SLC28A3: variants seen among roughly 807,000 people sequenced by gnomAD.
SLC28A3 encodes the protein solute carrier family 28 member 3.
Under a neutral mutation model 84.2 loss-of-function variants are expected in SLC28A3, and 68 were observed. The ratio of observed to expected loss-of-function variants is 0.81; its 90% CI spans 0.66 to 0.99. The LOEUF is 0.99. Ranked by LOEUF, SLC28A3 falls within the 50% of genes least tolerant of loss-of-function variation. The pLI is 0.00. For missense variants in SLC28A3, 712 were observed against 841.5 expected, an observed-to-expected ratio of 0.85 and a Z score of 1.90; for synonymous variants, 267 against 303.6, an observed-to-expected ratio of 0.88 and a Z score of 1.25.
the SLC28A3 span, among the ~76,000 whole-genome samples, chr9:84,357,955 A>G: frequency 6.6e-6 from 1 of 152,226 alleles, no homozygotes; most frequent in African/African-American, 2.4e-5. Context: ...GGAATGAGGC[A>G]GATGTACAGA....
At chr9:84,353,165 G>A in the SLC28A3 span, among the ~76,000 whole-genome samples, 2 of 152,122 alleles carry the variant, frequency 1.3e-5, no homozygotes, top group African/African-American at 4.8e-5. Context: ...ATTTAGGTAT[G>A]TACCCCAAAT....
At chr9:84,351,707 A>G in the SLC28A3 span, among the ~76,000 whole-genome samples, 2 of 151,618 alleles carry the variant, frequency 1.3e-5, no homozygotes, top group African/African-American at 4.8e-5. Context: ...AAAAAAGACA[A>G]CGTAGGGACA....
chr9:84,302,065 A>G (rs1439930610), intron 5 of SLC28A3, 135 bp downstream of exon 5: 29 of 755,004 alleles, frequency 3.8e-5, no homozygotes, highest in Non-Finnish European at 2.5e-5. Context: ...AGACATTGTA[A>G]CAGATTACTT....
chr9:84,290,482 G>A (rs941749438), intron 10 of SLC28A3, among the ~76,000 whole-genome samples: 4 of 152,106 alleles, frequency 2.6e-5, no homozygotes, highest in Non-Finnish European at 4.4e-5. Context: ...CAAGGGTGGG[G>A]GCTACCAATC....
chr9:84,286,634 A>T (rs1314424140), intron 12 of SLC28A3, among the ~76,000 whole-genome samples: 1 of 152,000 alleles, frequency 6.6e-6, no homozygotes, highest in East Asian at 1.9e-4. Flanking sequence ...CAAGTTTAAA[A>T]ATTATTTTTA....
chr9:84,354,538 A>G, the SLC28A3 span, among the ~76,000 whole-genome samples: 1 of 152,256 alleles, frequency 6.6e-6, no homozygotes, highest in African/African-American at 2.4e-5. Context: ...TCATGAGTCT[A>G]TAATGATACT....
chr9:84,364,120 C>CTTTTTT, the SLC28A3 span, among the ~76,000 whole-genome samples: 5 of 85,290 alleles, frequency 5.9e-5, no homozygotes, highest in Admixed American at 1.4e-4. Context: ...CAGTTACACT[C>CTTTTTT]TTTTTTTTTT....
At chr9:84,355,329 C>A in the SLC28A3 span, among the ~76,000 whole-genome samples, 1 of 151,738 alleles carries the variant, frequency 6.6e-6, no homozygotes, top group African/African-American at 2.4e-5. Flanking sequence ...TCCCAGCTAA[C>A]TGGGAGGCTG....
the SLC28A3 span, among the ~76,000 whole-genome samples, chr9:84,367,668 A>T: frequency 6.6e-6 from 1 of 152,316 alleles, no homozygotes; most frequent in South Asian, 2.1e-4. Context: ...GTGTGGCAGG[A>T]GAACAGAGTG....
chr9:84,318,937 A>G (rs536910024), intron 1 of SLC28A3, among the ~76,000 whole-genome samples: 1 of 152,202 alleles, frequency 6.6e-6, no homozygotes, highest in African/African-American at 2.4e-5. Context: ...TAGAGGAAGA[A>G]GCCATACAAA....
intron 1 of SLC28A3, among the ~76,000 whole-genome samples, chr9:84,314,239 A>C (rs1276589395): frequency 5.3e-5 from 8 of 152,000 alleles, no homozygotes; most frequent in Non-Finnish European, 1.5e-5. Flanking sequence ...GGCTGTCTTG[A>C]TTTTACTTTA....
chr9:84,288,864 A>G (rs1016316455), intron 11 of SLC28A3, among the ~76,000 whole-genome samples: 1 of 152,024 alleles, frequency 6.6e-6, no homozygotes, highest in African/African-American at 2.4e-5. Flanking sequence ...ATCATTTTAG[A>G]TAGGGGATGG....
rs11568381 is a variant in SLC28A3 at position 84,297,214 on chromosome 9, A to G, written c.861+7T>C. On this transcript the variant is annotated splice_region_variant and intron_variant, in intron 8 of 17. Transcript: ENST00000376238. Reference sequence around the variant, plus strand: ...AGCGACTACATAGAAAAAAGGTTTGACTTTACCTTAAATGCAAAGAAGTGG... The same window carrying G: ...AGCGACTACATAGAAAAAAGGTTTGGCTTTACCTTAAATGCAAAGAAGTGG... 3,957 of 1,609,794 alleles carry G rather than the reference A, an allele frequency of 2.5e-3. 8 individuals carry two copies. The highest frequency in any genetic ancestry group is 3.1e-3 in the Non-Finnish European group (3,681 of 1,178,254).
intron 1 of SLC28A3, among the ~76,000 whole-genome samples, chr9:84,322,212 T>C (rs1272555235): frequency 6.6e-6 from 1 of 152,374 alleles, no homozygotes; most frequent in East Asian, 1.9e-4. Context: ...TTCAGCTCTT[T>C]ATTAAATTCT....
At chr9:84,321,972 C>T (rs1384154234) in intron 1 of SLC28A3, among the ~76,000 whole-genome samples, 1 of 152,144 alleles carries the variant, frequency 6.6e-6, no homozygotes, top group Non-Finnish European at 1.5e-5. Context: ...ACTGCTTGAA[C>T]TCAGGGGGCA....
the SLC28A3 span, among the ~76,000 whole-genome samples, chr9:84,352,016 A>C: frequency 6.6e-6 from 1 of 152,334 alleles, no homozygotes; most frequent in African/African-American, 2.4e-5. Context: ...ATTTAACATT[A>C]TATGAAAACA....
intron 1 of SLC28A3, among the ~76,000 whole-genome samples, chr9:84,315,796 G>A (rs1588605824): frequency 6.6e-6 from 1 of 152,148 alleles, no homozygotes; most frequent in Non-Finnish European, 1.5e-5. Flanking sequence ...GAGTCGTGGG[G>A]CTGTGATATG....
chr9:84,295,308 G>C (rs1315544066), intron 8 of SLC28A3, among the ~76,000 whole-genome samples: 2 of 152,124 alleles, frequency 1.3e-5, no homozygotes, highest in Non-Finnish European at 2.9e-5. Flanking sequence ...TTTCCAGCTG[G>C]GCTCGGTGGC....
At chr9:84,341,603 A>C (rs1038878039), upstream of SLC28A3, among the ~76,000 whole-genome samples, 1 of 152,240 alleles carries the variant, frequency 6.6e-6, no homozygotes, top group Non-Finnish European at 1.5e-5. Context: ...AAAACCTTTT[A>C]TTACATCCCT....
Sources: allele counts gnomAD v4.1 joint callset (sites outside exome capture counted in the v4.1 genomes callset), GRCh38; gene constraint gnomAD v4.1.1; transcripts MANE v1.5; gene names NCBI Gene and HGNC (gene_info 2026-07-23, HGNC 2026-07-21).